HDAC9: variants seen among roughly 807,000 people sequenced by gnomAD.
HDAC9 encodes the protein histone deacetylase 9.
Under a neutral mutation model 139.4 loss-of-function variants are expected in HDAC9, and 41 were observed. The ratio of observed to expected loss-of-function variants is 0.29; its 90% CI spans 0.23 to 0.38. The LOEUF is 0.38. HDAC9 is among the 10% of genes least tolerant of loss of function. HDAC9 has a pLI of 1.00. For synonymous variants in HDAC9, 517 were observed against 476.2 expected, an observed-to-expected ratio of 1.09 and a Z score of -1.12; for missense variants, 1,147 against 1,297.0, an observed-to-expected ratio of 0.88 and a Z score of 1.78.
intron 19 of HDAC9, 97 bp from the exon 20 acceptor site, chr7:18,835,370 A>T: frequency 7.8e-7 from 1 of 1,280,856 alleles, no homozygotes; most frequent in Non-Finnish European, 1.1e-6. Flanking sequence ...AATGAGAAAG[A>T]AAGTGGTAGA....
At chr7:18,387,328 G>A (rs964871392) in intron 1 of HDAC9, among the ~76,000 whole-genome samples, 2 of 152,012 alleles carry the variant, frequency 1.3e-5, no homozygotes, top group African/African-American at 2.4e-5. Flanking sequence ...TATAAAAAGG[G>A]CTCAATTAAA....
intron 1 of HDAC9, among the ~76,000 whole-genome samples, chr7:18,299,677 A>G (rs1798404887): frequency 6.6e-6 from 1 of 152,206 alleles, no homozygotes; most frequent in African/African-American, 2.4e-5. Context: ...TGCCATTTGT[A>G]AAACAGGTTG....
rs185130524 is a variant in HDAC9, at chr7:18,624,061, C to T, written c.665-5289C>T. Among the ~76,000 whole-genome samples the T allele has an allele frequency of 1.1e-4, 16 of 152,236 alleles. No homozygotes were observed. In the East Asian group the frequency reaches 2.9e-3, roughly 28 times the overall value. On this transcript the variant is annotated intron_variant, in intron 6 of 25. Transcript: ENST00000686413. ...GCATGTGTATACAAAAATCACGCCC[C>T]GCAATTATGTACACAGTCACACATA...
At chr7:18,538,611 A>G (rs115094796) in intron 2 of HDAC9, among the ~76,000 whole-genome samples, 2 of 152,246 alleles carry the variant, frequency 1.3e-5, no homozygotes, top group Non-Finnish European at 1.5e-5. Flanking sequence ...AGTTATAAGT[A>G]AAAGGAAAGC....
chr7:18,161,936 C>T (rs1051990067), intron 1 of HDAC9, among the ~76,000 whole-genome samples: 2 of 152,138 alleles, frequency 1.3e-5, no homozygotes, highest in African/African-American at 2.4e-5. Context: ...TTATAGTGAA[C>T]AGTAAACAAT....
intron 1 of HDAC9, among the ~76,000 whole-genome samples, chr7:18,102,580 T>C (rs953679102): frequency 1.3e-5 from 2 of 152,160 alleles, no homozygotes; most frequent in Non-Finnish European, 2.9e-5. Flanking sequence ...AAGAATAGAA[T>C]CTTGAAAAAG....
Position 18,977,919 on chromosome 7 carries a change from GACACACACACACAC to G in HDAC9, c.3170+1994_3170+2007del, listed in dbSNP as rs147049392. ...GAATTTCCTCAGAGACAGACAGACA[GACACACACACACAC>G]ACACACACACACACACACACACACA... On this transcript the variant is annotated intron_variant, in intron 25 of 25. Transcript: ENST00000686413. Among the ~76,000 whole-genome samples the G allele has an allele frequency of 3.8e-3, 539 of 141,030 alleles. 1 individual carries two copies. The highest frequency in any genetic ancestry group is 0.013 in the African/African-American group (489 of 36,984). The allele number at this position is 141,030 out of a possible 152,430, so 92.5% of individuals were successfully genotyped here.
chr7:18,298,159 T>C (rs1358019933), intron 1 of HDAC9, among the ~76,000 whole-genome samples: 1 of 152,206 alleles, frequency 6.6e-6, no homozygotes. Context: ...AATGGTAGCA[T>C]GGCAGAGGTA....
chr7:18,590,919 A>G (rs1051791775), intron 4 of HDAC9, among the ~76,000 whole-genome samples: 1 of 152,232 alleles, frequency 6.6e-6, no homozygotes, highest in African/African-American at 2.4e-5. Flanking sequence ...TTAAGACATA[A>G]CACATGCAAA....
At chr7:18,980,764 T>TCTTCTTC (rs1784884235) in intron 25 of HDAC9, among the ~76,000 whole-genome samples, 14 of 150,032 alleles carry the variant, frequency 9.3e-5, no homozygotes, top group Middle Eastern at 3.4e-3. Flanking sequence ...TCTTCCTTCT[T>TCTTCTTC]CTTCTTCTTC....
chr7:18,161,216 T>G (rs1045276113), intron 1 of HDAC9, among the ~76,000 whole-genome samples: 5 of 152,228 alleles, frequency 3.3e-5, no homozygotes, highest in Admixed American at 2.6e-4. Flanking sequence ...ATAGCACATT[T>G]CTATTTAGAG....
At chr7:18,188,261 T>G (rs1790068320) in intron 2 of HDAC9, among the ~76,000 whole-genome samples, 1 of 152,164 alleles carries the variant, frequency 6.6e-6, no homozygotes, top group South Asian at 2.1e-4. Flanking sequence ...GGATTTCCTG[T>G]TAAATAAATG....
Position 18,512,087 on chromosome 7 carries a change from G to T in HDAC9, c.22+15763G>T, listed in dbSNP as rs573181911. ...TGCAATAAAATTCAGTATACTTCCA[G>T]CATAGAAACTCTTATTAAACTAAAA... On this transcript the variant is annotated intron_variant, in intron 2 of 25. Transcript: ENST00000686413. Among the ~76,000 whole-genome samples the T allele has an allele frequency of 4.7e-5, 7 of 150,278 alleles. No homozygotes were observed. The South Asian group carries it at 1.1e-3, about 23-fold the overall frequency.
intron 22 of HDAC9, among the ~76,000 whole-genome samples, chr7:18,922,799 C>T (rs1362519704): frequency 6.6e-6 from 1 of 152,056 alleles, no homozygotes; most frequent in Non-Finnish European, 1.5e-5. Flanking sequence ...AATTCAGAAT[C>T]AGTGGTGCCA....
intron 1 of HDAC9, among the ~76,000 whole-genome samples, chr7:18,154,789 C>G (rs1040990571): frequency 6.6e-6 from 1 of 152,188 alleles, no homozygotes; most frequent in African/African-American, 2.4e-5. Flanking sequence ...TCATATCACT[C>G]TTAATTACAA....
At chr7:18,784,975 C>T (rs929195) in intron 16 of HDAC9, among the ~76,000 whole-genome samples, 2,047 of 11,936 alleles carry the variant, frequency 0.17, 19 homozygotes, top group Non-Finnish European at 0.24. Flanking sequence ...GTGTGTGTGT[C>T]TGTGTGTGCA....
chr7:18,489,848 G>C (rs1452915811), intron 1 of HDAC9, among the ~76,000 whole-genome samples: 1 of 151,984 alleles, frequency 6.6e-6, no homozygotes, highest in Non-Finnish European at 1.5e-5. Context: ...GCAGAGAGGG[G>C]CTGATGTGCA....
intron 17 of HDAC9, among the ~76,000 whole-genome samples, chr7:18,820,330 A>G (rs929323186): frequency 6.6e-6 from 1 of 152,216 alleles, no homozygotes; most frequent in African/African-American, 2.4e-5. Flanking sequence ...AGTATAATAT[A>G]GAACACATCT....
intron 1 of HDAC9, among the ~76,000 whole-genome samples, chr7:18,132,687 A>G (rs1010212188): frequency 2.6e-5 from 4 of 152,308 alleles, no homozygotes; most frequent in Middle Eastern, 3.4e-3. Context: ...AACTAAGTTT[A>G]TTCAGAAAAT....
Sources: allele counts gnomAD v4.1 joint callset (sites outside exome capture counted in the v4.1 genomes callset), GRCh38; gene constraint gnomAD v4.1.1; transcripts MANE v1.5; gene names NCBI Gene and HGNC (gene_info 2026-07-23, HGNC 2026-07-21).